The following ATIC variants were observed in gnomAD, a reference collection of about 807,000 sequenced individuals.
ATIC encodes the protein 5-aminoimidazole-4-carboxamide ribonucleotide formyltransferase/IMP cyclohydrolase.
Under a neutral mutation model 72.5 loss-of-function variants are expected in ATIC, and 64 were observed. The ratio of observed to expected loss-of-function variants is 0.88; its 90% CI spans 0.72 to 1.09. The LOEUF is 1.09. Ranked by LOEUF, ATIC falls within the 50% of genes least tolerant of loss-of-function variation. ATIC has a pLI of 0.00. For missense variants in ATIC, 787 were observed against 732.4 expected, an observed-to-expected ratio of 1.07 and a Z score of -0.86; for synonymous variants, 281 against 267.1, an observed-to-expected ratio of 1.05 and a Z score of -0.51.
chr2:215,353,250 A>C (rs2053144194), downstream of ATIC, among the ~76,000 whole-genome samples: 1 of 151,958 alleles, frequency 6.6e-6, no homozygotes, highest in African/African-American at 2.4e-5. Context: ...ACCCACTTTT[A>C]TTTCCTTCCT....
chr2:215,313,078 CAG>C (rs1186050645), intron 2 of ATIC, among the ~76,000 whole-genome samples: 3 of 152,180 alleles, frequency 2.0e-5, no homozygotes, highest in Non-Finnish European at 4.4e-5. Context: ...TCCTGGGTGA[CAG>C]AGAAAGACCC....
At position 215,349,259 on chromosome 2, in the gene ATIC, G is replaced by C; in HGVS notation, c.1659+10G>C. The C allele has an allele frequency of 6.2e-7, 1 of 1,614,080 alleles. No homozygotes were observed. The highest frequency in any genetic ancestry group is 8.5e-7 in the Non-Finnish European group (1 of 1,180,020). On this transcript the variant is annotated intron_variant, in intron 15 of 15. Transcript: ENST00000236959. Reference sequence around the variant, plus strand: ...AGACAGAGCTAAAAGGGTAAGTATGGAATTGGGTGCATTTGCTTAGAGTTG... The same window carrying C: ...AGACAGAGCTAAAAGGGTAAGTATGCAATTGGGTGCATTTGCTTAGAGTTG...
At chr2:215,325,447 G>A (rs972800050) in intron 5 of ATIC, 118 bp downstream of exon 5, 2 of 771,342 alleles carry the variant, frequency 2.6e-6, no homozygotes, top group African/African-American at 1.7e-5. Context: ...CTTCTGGATT[G>A]TGTTTTGGGA....
Position 215,335,022 on chromosome 2 carries a change from TATCTTA to T in ATIC, c.1008+23_1008+28del, listed in dbSNP as rs1259307196. ...CCAGAGAAGTTAGTGGACATTCATG[TATCTTA>T]ATCTGTGTGTTGAATAAAGCTTTAT... On this transcript the variant is annotated intron_variant, in intron 10 of 15. Transcript: ENST00000236959. 1 of 1,573,240 alleles carries T rather than the reference TATCTTA, an allele frequency of 6.4e-7. No individual in the cohort carries two copies. The highest frequency in any genetic ancestry group is 1.3e-5 in the African/African-American group (1 of 74,202).
At chr2:215,324,401 A>G (rs77865134) in intron 4 of ATIC, among the ~76,000 whole-genome samples, 2,554 of 152,002 alleles carry the variant, frequency 0.017, 75 homozygotes, top group African/African-American at 0.059. Flanking sequence ...TGGTTTTTGC[A>G]TTTTTCTGGA....
chr2:215,319,836 G>A (rs1048938023), intron 4 of ATIC, 105 bp downstream of exon 4: 18 of 919,674 alleles, frequency 2.0e-5, no homozygotes, highest in East Asian at 7.7e-5. Context: ...CCTTTACTGC[G>A]TACCTTCTGT....
chr2:215,351,912 C>T (rs985019907), downstream of ATIC, among the ~76,000 whole-genome samples: 13 of 152,338 alleles, frequency 8.5e-5, no homozygotes, highest in South Asian at 1.9e-3. Context: ...GAGAATAGCA[C>T]TTTACCTTTT....
intron 6 of ATIC, among the ~76,000 whole-genome samples, chr2:215,326,554 A>T (rs567162037): frequency 1.3e-4 from 20 of 151,848 alleles, no homozygotes; most frequent in Non-Finnish European, 2.6e-4. Flanking sequence ...AAGTTGCAGT[A>T]AGCTGACATC....
chr2:215,348,763 C>A, intron 14 of ATIC: 1 of 327,596 alleles, frequency 3.1e-6, no homozygotes, highest in Non-Finnish European at 5.8e-6. Flanking sequence ...GAGATTGAGA[C>A]CCTCCTGGCC....
At chr2:215,312,435 A>G in intron 1 of ATIC, 63 bp from the exon 2 acceptor site, 1 of 1,613,506 alleles carries the variant, frequency 6.2e-7, no homozygotes, top group African/African-American at 1.3e-5. Flanking sequence ...AGACCCTCCC[A>G]AGGCCTTGCA....
At position 215,348,403 on chromosome 2, in the gene ATIC, C is replaced by T. The variant is rs189650792; in HGVS notation, c.1504-691C>T. 1.7e-3 allele frequency among the ~76,000 whole-genome samples: 259 copies of T among 151,974 alleles called. 2 individuals carry two copies. The highest frequency in any genetic ancestry group is 6.1e-3 in the African/African-American group (251 of 41,404). ...ACCAAAGCAGTAGATTTAAATTAGA[C>T]GGTAGTCTAATAGACATAAAGTAGT... On this transcript the variant is annotated intron_variant, in intron 14 of 15. Coordinates refer to ENST00000236959, the MANE Select transcript of ATIC (RefSeq NM_004044.7).
At chr2:215,351,350 A>G (rs1256031147), downstream of ATIC, among the ~76,000 whole-genome samples, 1 of 152,224 alleles carries the variant, frequency 6.6e-6, no homozygotes, top group Non-Finnish European at 1.5e-5. Context: ...TAAGCCACAA[A>G]GTTCTGGGGT....
chr2:215,332,348 G>A (rs759150834), intron 7 of ATIC, 34 bp from the exon 8 acceptor site: 6 of 1,613,680 alleles, frequency 3.7e-6, no homozygotes, highest in Non-Finnish European at 5.1e-6. Context: ...TACTGATCCT[G>A]CTTAGTAATG....
chr2:215,364,659 T>C, the ATIC span: 33 of 594,214 alleles, frequency 5.6e-5, no homozygotes, highest in Non-Finnish European at 9.6e-5. Flanking sequence ...ATGCCATTCA[T>C]TCATTCTTTC....
chr2:215,356,918 CAT>C, the ATIC span, among the ~76,000 whole-genome samples: 12 of 152,208 alleles, frequency 7.9e-5, no homozygotes, highest in African/African-American at 2.2e-4. Flanking sequence ...TTTGTGTGAA[CAT>C]ATGTTTTCTG....
the ATIC span, among the ~76,000 whole-genome samples, chr2:215,354,912 G>A: frequency 6.6e-6 from 1 of 151,716 alleles, no homozygotes; most frequent in Non-Finnish European, 1.5e-5. Flanking sequence ...TGCACTCCTC[G>A]CCAGCCCCAA....
intron 7 of ATIC, among the ~76,000 whole-genome samples, chr2:215,331,740 T>C (rs147183570): frequency 6.6e-6 from 1 of 152,140 alleles, no homozygotes; most frequent in East Asian, 1.9e-4. Context: ...GAACTTCTTA[T>C]GTTTATTCAC....
the ATIC span, chr2:215,363,131 G>C: frequency 6.6e-6 from 1 of 152,166 alleles, no homozygotes; most frequent in Non-Finnish European, 1.5e-5. Context: ...CCTCCTTACA[G>C]AATCACTGAA....
chr2:215,312,875 G>A (rs2052669756), intron 2 of ATIC, among the ~76,000 whole-genome samples: 2 of 152,154 alleles, frequency 1.3e-5, no homozygotes, highest in Non-Finnish European at 2.9e-5. Context: ...GAGGTGGGCT[G>A]ATCACTTACG....
Sources: gnomAD v4.1 joint callset for allele counts (sites outside exome capture counted in the v4.1 genomes callset) on GRCh38, gnomAD v4.1.1 for gene constraint, MANE v1.5 for transcripts, NCBI Gene and HGNC (gene_info 2026-07-23, HGNC 2026-07-21) for gene names.